The following TUBGCP5 variants were observed in gnomAD, a reference collection of about 807,000 sequenced individuals.
TUBGCP5 encodes the protein gamma-tubulin complex component 5.
Under a neutral mutation model 134.7 loss-of-function variants are expected in TUBGCP5, and 98 were observed. The observed-to-expected ratio is 0.73, with a 90% CI of 0.62 to 0.86. TUBGCP5 has a LOEUF of 0.86. Ranked by LOEUF, TUBGCP5 falls within the 40% of genes least tolerant of loss-of-function variation. TUBGCP5 has a pLI of 0.00. For missense variants in TUBGCP5, 1,150 were observed against 1,244.8 expected, an observed-to-expected ratio of 0.92 and a Z score of 1.15; for synonymous variants, 456 against 431.4, an observed-to-expected ratio of 1.06 and a Z score of -0.71.
At chr15:22,994,880 C>G (rs968565850), downstream of TUBGCP5, among the ~76,000 whole-genome samples, 1 of 152,094 alleles carries the variant, frequency 6.6e-6, no homozygotes, top group Non-Finnish European at 1.5e-5. Context: ...TTTGGGAGGC[C>G]AGTGCAGGAT....
chr15:23,009,922 C>G (rs1436865043), intron 15 of TUBGCP5, 23 bp downstream of exon 15: 2 of 1,599,444 alleles, frequency 1.3e-6, no homozygotes, highest in Non-Finnish European at 1.7e-6. Context: ...TTTACTACTT[C>G]CAAAATTAAA....
Position 23,031,981 on chromosome 15 carries a change from T to C in TUBGCP5, c.455A>G (p.Glu152Gly). 1.2e-6 allele frequency: 2 copies of C among 1,612,862 alleles called. No individual in the cohort carries two copies. Among genetic ancestry groups the C allele is most frequent in the South Asian group, 2.2e-5 (2 of 90,812 alleles). ...DWGKYLMEDEEMDIGPYMDTP... is the reference protein window; with the variant it reads ...DWGKYLMEDEGMDIGPYMDTP... ...GTCCATGTACGGACCAATGTCCATTTCTTCATCTTCCATCAAGTATTTTCC... is the reference window on the plus strand; with the variant it reads ...GTCCATGTACGGACCAATGTCCATTCCTTCATCTTCCATCAAGTATTTTCC... Residue 152 changes from glutamate (E) to glycine (G), a missense_variant, in exon 5 of 23, where the codon GAA (glutamate) becomes GGA (glycine). Physicochemically the swap from Glu to Gly is moderately conservative, Grantham distance 98. Coordinates refer to ENST00000615383, the MANE Select transcript of TUBGCP5 (RefSeq NM_052903.6).
In TUBGCP5 at chr15:23,024,067, G is replaced by A. The variant is rs1440625407; in HGVS notation, c.1048C>T (p.Pro350Ser). Residue 350 changes from proline (P) to serine (S), a missense_variant, in exon 10 of 23, where the codon CCT (proline) becomes TCT (serine). By Grantham distance (74) the Pro-to-Ser change is moderately conservative. Coordinates refer to ENST00000615383, the MANE Select transcript of TUBGCP5 (RefSeq NM_052903.6). Reference protein sequence around the residue: ...ESMLPGSGSVPKKSTEAPFRT... With the variant: ...ESMLPGSGSVSKKSTEAPFRT... ...AAGGGAGCTTCAGTTGACTTCTTAG[G>A]AACAGACCCACTTCCAGGCAGCATG... is the stretch of plus-strand genomic sequence containing the variant. 32 of 1,613,976 alleles carry A rather than the reference G, an allele frequency of 2.0e-5. No homozygotes were observed. Among genetic ancestry groups the A allele is most frequent in the Non-Finnish European group, 2.7e-5 (32 of 1,180,018 alleles).
chr15:23,008,668 A>T (rs1424421162), intron 16 of TUBGCP5, 31 bp downstream of exon 16: 2 of 1,599,504 alleles, frequency 1.3e-6, no homozygotes, highest in African/African-American at 2.7e-5. Context: ...ATGTTACACT[A>T]ATTTAAATAA....
chr15:22,995,779 C>T (rs1408258341), downstream of TUBGCP5, among the ~76,000 whole-genome samples: 1 of 152,024 alleles, frequency 6.6e-6, no homozygotes, highest in African/African-American at 2.4e-5. Context: ...TTTCCCCCAA[C>T]CCCCTTTCAG....
At position 23,017,852 on chromosome 15, in the gene TUBGCP5, G is replaced by T. The variant is rs763036279; in HGVS notation, c.1677C>A (p.Ile559=). 6.2e-7 allele frequency: 1 copy of T among 1,614,096 alleles called. No homozygotes were observed. Among genetic ancestry groups the T allele is most frequent in the South Asian group, 1.1e-5 (1 of 91,074 alleles). The change falls in exon 13 of 23, where the codon ATC becomes ATA. Residue 559 remains isoleucine, a synonymous_variant. Coordinates refer to ENST00000615383, the MANE Select transcript of TUBGCP5 (RefSeq NM_052903.6). ...VSFLKPVLKQ[I]IMAGKSMQLL... is the part of the protein sequence containing the mutation. ...GCTGCATCGACTTGCCAGCCATTAT[G>T]ATCTGCTTCAGGACAGGTTTGAGGA...
chr15:23,023,465 G>A (rs894109413), intron 10 of TUBGCP5: 2 of 157,180 alleles, frequency 1.3e-5, no homozygotes, highest in Middle Eastern at 3.4e-3. Flanking sequence ...AATCCATTAA[G>A]GGGACTGGGC....
intron 11 of TUBGCP5, among the ~76,000 whole-genome samples, chr15:23,021,421 A>G (rs777342961): frequency 1.3e-5 from 2 of 152,150 alleles, no homozygotes; most frequent in Admixed American, 6.5e-5. Context: ...GGCTCAATCA[A>G]TCCTCCTGCC....
chr15:22,990,571 A>T (rs1167086254), intron 23 of TUBGCP5, among the ~76,000 whole-genome samples: 1 of 152,160 alleles, frequency 6.6e-6, no homozygotes, highest in Non-Finnish European at 1.5e-5. Flanking sequence ...TTTTGGATTA[A>T]AATTCCTCCA....
In TUBGCP5 at chr15:23,011,191, C is replaced by G. The variant is rs903156404; in HGVS notation, c.1897G>C (p.Glu633Gln). The change falls in exon 14 of 23, where the codon GAA becomes CAA. Residue 633 changes from glutamate to glutamine, a missense_variant. Coordinates refer to ENST00000615383, the MANE Select transcript of TUBGCP5 (RefSeq NM_052903.6). ...ACATCATCCAGTTCAAGATGGCTTTCAGCAATGGACTGCATCTTCATCAGG... is the reference window on the plus strand; with the variant it reads ...ACATCATCCAGTTCAAGATGGCTTTGAGCAATGGACTGCATCTTCATCAGG... ...ENLMKMQSIA[E>Q]SHLELDDVHD... 9 of 1,613,822 alleles carry G rather than the reference C, an allele frequency of 5.6e-6. No individual in the cohort carries two copies. Among genetic ancestry groups the G allele is most frequent in the Non-Finnish European group, 6.8e-6 (8 of 1,179,998 alleles).
chr15:23,013,082 C>G lies in TUBGCP5; in HGVS notation c.1757-1751G>C, dbSNP rs2065127348. 6.6e-6 allele frequency among the ~76,000 whole-genome samples: 1 copy of G among 151,368 alleles called. No homozygotes were observed. Among genetic ancestry groups the G allele is most frequent in the Non-Finnish European group, 1.5e-5 (1 of 67,844 alleles). ...CATGCCACTGCACTCCAGTCGCCAG[C>G]AAGGTGGCTGCCTGGAGACGTCTGG... On this transcript the variant is annotated intron_variant, in intron 13 of 22. Coordinates refer to ENST00000615383, the MANE Select transcript of TUBGCP5 (RefSeq NM_052903.6). The surrounding 1 kb of genome is among the most constrained non-coding windows in gnomAD (Gnocchi z 4.5).
chr15:22,996,369 G>A (rs982543595), downstream of TUBGCP5, among the ~76,000 whole-genome samples: 17 of 152,136 alleles, frequency 1.1e-4, no homozygotes, highest in Non-Finnish European at 1.5e-5. Context: ...CTTGGGCTGG[G>A]TGCAATGGCG....
intron 3 of TUBGCP5, among the ~76,000 whole-genome samples, chr15:23,034,950 CA>C: frequency 6.6e-6 from 1 of 151,434 alleles, no homozygotes; most frequent in Non-Finnish European, 1.5e-5. Context: ...ACATACTAAC[CA>C]CAAAAAAAAA....
At chr15:23,039,079 T>G (rs2066762688) in intron 1 of TUBGCP5, among the ~76,000 whole-genome samples, 1 of 151,426 alleles carries the variant, frequency 6.6e-6, no homozygotes, top group Non-Finnish European at 1.5e-5. Context: ...TTGCCCAAGC[T>G]GGCCTGGAGT....
chr15:22,988,559 C>T lies in TUBGCP5; in HGVS notation c.*62-4948G>A, dbSNP rs181743049. Among the ~76,000 whole-genome samples the T allele has an allele frequency of 2.2e-3, 332 of 151,378 alleles. 5 individuals are homozygous for T. The highest frequency in any genetic ancestry group is 7.8e-3 in the African/African-American group (321 of 41,158). On this transcript the variant is annotated intron_variant and NMD_transcript_variant, in intron 23 of 23. Coordinates refer to the TUBGCP5 transcript ENST00000614508. ...CCATCCTGGCTAACACAGTGAAACC[C>T]CGTCTCTACTAGAAAATACAAAAAA...
rs532889817 is a variant in TUBGCP5, at chr15:23,022,250, T to C, written c.1169-89A>G. The C allele has an allele frequency of 3.5e-6, 5 of 1,424,522 alleles. No individual in the cohort carries two copies. In the African/African-American group the frequency reaches 5.6e-5, roughly 16 times the overall value. 88.2% of individuals were successfully genotyped at this position (1,424,522 alleles called of 1,614,324 possible). A position where few individuals can be genotyped will look rare whatever the true frequency, so the allele number is the denominator to read the frequency against. ...AAATGCTGGCAAATCATCAGGCTTA[T>C]GGACAGGCAGGGCAAAATGGAGGAC... On this transcript the variant is annotated intron_variant, in intron 10 of 22. Transcript: ENST00000615383.
chr15:22,987,895 C>CAAAAA (rs869168765), intron 23 of TUBGCP5, among the ~76,000 whole-genome samples: 3 of 20,488 alleles, frequency 1.5e-4, no homozygotes, highest in Admixed American at 7.9e-4. Flanking sequence ...GACTCCATCT[C>CAAAAA]AAAAAAAAAA....
Position 23,006,175 on chromosome 15 carries a change from A to G in TUBGCP5, c.2413-3T>C, listed in dbSNP as rs565747511. On this transcript the variant is annotated splice_polypyrimidine_tract_variant and splice_region_variant and intron_variant, in intron 17 of 22. Coordinates refer to ENST00000615383, the MANE Select transcript of TUBGCP5 (RefSeq NM_052903.6). ...ACAATGTCCACGGGCCATGGGACCT[A>G]TGAAACAAAAACAAAATTAGAAAGT... The G allele has an allele frequency of 1.9e-6, 3 of 1,608,062 alleles. No homozygotes were observed. In the South Asian group the frequency reaches 3.4e-5, roughly 18 times the overall value.
chr15:23,022,181 A>C lies in TUBGCP5; in HGVS notation c.1169-20T>G. The C allele has an allele frequency of 3.7e-6, 6 of 1,611,312 alleles. No individual in the cohort carries two copies. The highest frequency in any genetic ancestry group is 5.1e-6 in the Non-Finnish European group (6 of 1,177,372). ...TAGTATCTGCAAATATCAATAAATC[A>C]AACTCAACAGCAAGGAAAAATACAT... is the stretch of plus-strand genomic sequence containing the variant. On this transcript the variant is annotated intron_variant, in intron 10 of 22. Coordinates refer to ENST00000615383, the MANE Select transcript of TUBGCP5 (RefSeq NM_052903.6).
Sources: gnomAD v4.1 joint callset for allele counts (sites outside exome capture counted in the v4.1 genomes callset) on GRCh38, gnomAD v4.1.1 for gene constraint, Gnocchi (gnomAD v3.1) non-coding constraint, MANE v1.5 for transcripts, NCBI Gene and HGNC (gene_info 2026-07-23, HGNC 2026-07-21) for gene names.